EYS: variants seen among roughly 807,000 people sequenced by gnomAD.
EYS encodes EGF-like photoreceptor maintenance factor, also known as protein eyes shut homolog.
EYS carries 250 observed loss-of-function variants against 282.1 expected under a neutral mutation model. That is an observed-to-expected ratio of 0.89 (90% CI 0.80 to 0.98). EYS has a LOEUF of 0.98. EYS is among the 50% of genes least tolerant of loss of function. EYS has a pLI of 0.00. For missense variants in EYS, 4,016 were observed against 3,709.0 expected (o/e 1.08, Z -2.15); for synonymous variants, 1,355 against 1,282.9 (o/e 1.06, Z -1.20).
chr6:64,535,647 G>A (rs1056118607), intron 26 of EYS, among the ~76,000 whole-genome samples: 1 of 151,928 alleles, frequency 6.6e-6, no homozygotes, highest in African/African-American at 2.4e-5. Flanking sequence ...GGCTGAGGTA[G>A]GAGGAATGTT....
intron 26 of EYS, among the ~76,000 whole-genome samples, chr6:64,551,155 CAT>C (rs983322809): frequency 2.0e-5 from 3 of 148,590 alleles, no homozygotes; most frequent in South Asian, 2.1e-4. Flanking sequence ...TATGTATATA[CAT>C]ATATGTGTAT....
chr6:64,752,527 T>C (rs1361089411), intron 22 of EYS, among the ~76,000 whole-genome samples: 1 of 152,136 alleles, frequency 6.6e-6, no homozygotes, highest in Non-Finnish European at 1.5e-5. Flanking sequence ...TCCAATCTTA[T>C]GAGTCATAGG....
rs972253229 is a variant in EYS, at chr6:65,509,370, A to G, written c.-332-13377T>C. Among the ~76,000 whole-genome samples, 12 of 152,314 alleles carry G rather than the reference A, an allele frequency of 7.9e-5. No individual in the cohort carries two copies. In the East Asian group the frequency reaches 1.7e-3, roughly 22 times the overall value. On this transcript the variant is annotated intron_variant, in intron 2 of 42. Transcript: ENST00000503581. ...CCCATCAGCAGTTTTTGAGGGTTCCAGTTACTCTGTATCATCTCCAATACT... is the reference window on the plus strand; with the variant it reads ...CCCATCAGCAGTTTTTGAGGGTTCCGGTTACTCTGTATCATCTCCAATACT...
chr6:65,348,812 C>T (rs1770494934), intron 9 of EYS, among the ~76,000 whole-genome samples: 1 of 151,426 alleles, frequency 6.6e-6, no homozygotes, highest in Non-Finnish European at 1.5e-5. Context: ...GGATAGTTTC[C>T]CCAATGTTTT....
intron 12 of EYS, among the ~76,000 whole-genome samples, chr6:65,277,568 C>T (rs1404365573): frequency 6.6e-6 from 1 of 152,080 alleles, no homozygotes; most frequent in African/African-American, 2.4e-5. Flanking sequence ...CATGCTGGCA[C>T]CCTCATTTTG....
intron 22 of EYS, among the ~76,000 whole-genome samples, chr6:64,655,922 A>T (rs868304184): frequency 6.6e-6 from 1 of 152,134 alleles, no homozygotes; most frequent in Admixed American, 6.5e-5. Context: ...ACCTAAAAAT[A>T]TGTAAATTTA....
chr6:65,121,121 C>T (rs1263749593), intron 12 of EYS, among the ~76,000 whole-genome samples: 1 of 152,062 alleles, frequency 6.6e-6, no homozygotes, highest in African/African-American at 2.4e-5. Flanking sequence ...AGCAGAGGCA[C>T]ATGAGAATCC....
At chr6:63,833,953 A>G (rs957756428) in intron 36 of EYS, among the ~76,000 whole-genome samples, 6 of 152,242 alleles carry the variant, frequency 3.9e-5, no homozygotes. Flanking sequence ...AAAACAAGCA[A>G]TGGGGAAAGG....
intron 14 of EYS, among the ~76,000 whole-genome samples, chr6:64,987,579 T>C (rs1045288051): frequency 1.3e-5 from 2 of 151,510 alleles, no homozygotes; most frequent in Admixed American, 1.3e-4. Context: ...CAAGGTCTGA[T>C]ACTTTCAGAG....
intron 31 of EYS, among the ~76,000 whole-genome samples, chr6:64,098,133 A>G (rs962376089): frequency 2.6e-5 from 4 of 152,222 alleles, no homozygotes; most frequent in African/African-American, 7.2e-5. Context: ...GTAATAATTA[A>G]GAAGTATGTA....
rs544537230 is a variant in EYS at position 65,210,221 on chromosome 6, G to A, written c.2023+85642C>T. On this transcript the variant is annotated intron_variant, in intron 12 of 42. Coordinates refer to ENST00000503581, the MANE Select transcript of EYS (RefSeq NM_001142800.2). ...GCTTTAGAATTGACAAATTACATGC[G>A]AATGCGTAATATGCTAAGTCTCATG... Among the ~76,000 whole-genome samples the A allele has an allele frequency of 7.9e-4, 120 of 152,032 alleles. No homozygotes were observed. In the Middle Eastern group the frequency reaches 0.01, roughly 13 times the overall value.
chr6:63,946,774 C>G (rs4710259), intron 35 of EYS, among the ~76,000 whole-genome samples: 46,925 of 144,486 alleles, frequency 0.32, 7,470 homozygotes, highest in Admixed American at 0.4. Flanking sequence ...AAGGAAGTCT[C>G]TGTTTTGCAG....
At chr6:64,259,633 A>G (rs897873964) in intron 30 of EYS, among the ~76,000 whole-genome samples, 9 of 138,324 alleles carry the variant, frequency 6.5e-5, no homozygotes, top group African/African-American at 2.2e-4. Flanking sequence ...ACTCTCTCCC[A>G]GTACTTTTAC....
rs2149832196 is a variant in EYS at position 64,591,506 on chromosome 6, G to T, written c.4361C>A (p.Ser1454Tyr). 1 of 1,551,284 alleles carries T rather than the reference G, an allele frequency of 6.4e-7. No homozygotes were observed. The highest frequency in any genetic ancestry group is 1.7e-4 in the Middle Eastern group (1 of 5,990). ...AGAGACAACTGGAGTTGCACTTATG[G>T]AGGCAGCTATAAGCAGGAATCCACG... ...LSRGFLLIAA[S>Y]ISATPVVSRG... The change falls in exon 26 of 43, where the codon TCC (serine) becomes TAC (tyrosine). Residue 1454 changes from serine (S) to tyrosine (Y), a missense_variant. Coordinates refer to ENST00000503581, the MANE Select transcript of EYS (RefSeq NM_001142800.2).
At chr6:64,858,417 C>CT (rs141070397) in intron 19 of EYS, among the ~76,000 whole-genome samples, 2 of 151,484 alleles carry the variant, frequency 1.3e-5, no homozygotes, top group East Asian at 1.9e-4. Flanking sequence ...AATATGTGGG[C>CT]TTTTTTTTGG....
chr6:64,232,422 T>C (rs1404511487), intron 30 of EYS, among the ~76,000 whole-genome samples: 1 of 152,132 alleles, frequency 6.6e-6, no homozygotes, highest in Admixed American at 6.6e-5. Flanking sequence ...GAAGTTTTAC[T>C]CTTATTGCCG....
intron 41 of EYS, among the ~76,000 whole-genome samples, chr6:63,736,700 T>C (rs1768922744): frequency 6.6e-6 from 1 of 152,194 alleles, no homozygotes; most frequent in Non-Finnish European, 1.5e-5. Flanking sequence ...TTCACGATAT[T>C]GATTCTTCCT....
chr6:65,007,740 C>T (rs1047026890), intron 13 of EYS, among the ~76,000 whole-genome samples: 1 of 152,140 alleles, frequency 6.6e-6, no homozygotes, highest in Non-Finnish European at 1.5e-5. Context: ...TATGCCCCCT[C>T]CAAGCGGTGG....
chr6:64,888,601 A>G (rs1379539157), intron 18 of EYS, among the ~76,000 whole-genome samples: 7 of 151,954 alleles, frequency 4.6e-5, no homozygotes, highest in African/African-American at 1.7e-4. Flanking sequence ...TCTTCATGTG[A>G]CTAGGGAATT....
Sources: gnomAD v4.1 joint callset for allele counts (sites outside exome capture counted in the v4.1 genomes callset) on GRCh38, gnomAD v4.1.1 for gene constraint, MANE v1.5 for transcripts, NCBI Gene and HGNC (gene_info 2026-07-23, HGNC 2026-07-21) for gene names.